The following EBF2 variants were observed in gnomAD, a reference collection of about 807,000 sequenced individuals.
EBF2 encodes transcription factor COE2.
EBF2 carries 21 observed loss-of-function variants against 72.8 expected under a neutral mutation model. That is an observed-to-expected ratio of 0.29 (90% CI 0.20 to 0.42). The LOEUF is 0.42. Among genes scored for constraint, EBF2 ranks in the 10% least tolerant of loss-of-function variants. The pLI, the probability that EBF2 is intolerant of heterozygous loss-of-function variation, is 1.00. For missense variants in EBF2, 637 were observed against 731.2 expected (o/e 0.87, Z 1.49); for synonymous variants, 299 against 274.2 (o/e 1.09, Z -0.89).
intron 6 of EBF2, among the ~76,000 whole-genome samples, chr8:25,958,474 CT>C (rs1285548188): frequency 6.6e-6 from 1 of 151,898 alleles, no homozygotes; most frequent in African/African-American, 2.4e-5. Flanking sequence ...CCTTCTCTCT[CT>C]TTTTTTGGCC....
At chr8:25,990,837 C>T (rs752835336) in intron 6 of EBF2, among the ~76,000 whole-genome samples, 1 of 152,218 alleles carries the variant, frequency 6.6e-6, no homozygotes, top group Non-Finnish European at 1.5e-5. Flanking sequence ...TCTTCCCAGG[C>T]AGAACGGAAA....
chr8:25,863,913 C>G (rs181819444), intron 10 of EBF2, among the ~76,000 whole-genome samples: 224 of 152,216 alleles, frequency 1.5e-3, no homozygotes, highest in Non-Finnish European at 2.7e-3. Context: ...ACTTTTCATC[C>G]ACTTAACAAT....
At chr8:25,936,582 C>T (rs950188588) in intron 6 of EBF2, among the ~76,000 whole-genome samples, 1 of 152,190 alleles carries the variant, frequency 6.6e-6, no homozygotes, top group African/African-American at 2.4e-5. Flanking sequence ...GAGTATTAGT[C>T]TGTACCATAA....
At chr8:25,861,020 T>C in intron 13 of EBF2, 29 bp downstream of exon 13, 1 of 1,613,852 alleles carries the variant, frequency 6.2e-7, no homozygotes, top group Non-Finnish European at 8.5e-7. Flanking sequence ...TTAGACATAT[T>C]TGGATTTTGA....
intron 14 of EBF2, among the ~76,000 whole-genome samples, chr8:25,851,535 C>A (rs1231277152): frequency 6.6e-6 from 1 of 152,084 alleles, no homozygotes; most frequent in African/African-American, 2.4e-5. Flanking sequence ...GATACTCCAC[C>A]AAGTTATATC....
chr8:25,849,953 C>A (rs974087166), intron 15 of EBF2, among the ~76,000 whole-genome samples: 3 of 152,088 alleles, frequency 2.0e-5, no homozygotes, highest in South Asian at 2.1e-4. Flanking sequence ...CATGTGGTAT[C>A]CCCTGGGGTG....
chr8:25,849,174 G>A (rs544039881), intron 15 of EBF2, among the ~76,000 whole-genome samples: 109 of 152,282 alleles, frequency 7.2e-4, no homozygotes, highest in Non-Finnish European at 1.0e-3. Context: ...TATAGACCCC[G>A]CTGCTTTCTC....
chr8:25,857,931 A>G (rs1272306127), intron 14 of EBF2: 2 of 358,744 alleles, frequency 5.6e-6, no homozygotes. Flanking sequence ...TTCCTTGTCT[A>G]TAACATGAAG....
chr8:25,921,340 C>G (rs573649373), intron 6 of EBF2, among the ~76,000 whole-genome samples: 4 of 151,996 alleles, frequency 2.6e-5, no homozygotes, highest in Non-Finnish European at 4.4e-5. Flanking sequence ...TAAAGAAGAA[C>G]TAAACCTAGA....
Position 25,858,459 on chromosome 8 carries a change from G to A in EBF2, c.1388C>T (p.Ser463Phe), listed in dbSNP as rs1306542768. ...TSSISPRGYS[S>F]SSTPQQSNYS... ...ATTAGACTGTTGAGGCGTGGAGCTG[G>A]AAGAGTATCCCCGCGGAGAGATGCT... The change falls in exon 14 of 16, where the codon TCC becomes TTC. Residue 463 changes from serine (S) to phenylalanine (F), a missense_variant. This residue lies in a region of EBF2 where 259 missense variants were observed against 268.1 expected (regional missense o/e 0.97). Coordinates refer to ENST00000520164, the MANE Select transcript of EBF2 (RefSeq NM_022659.4). 6.2e-7 allele frequency: 1 copy of A among 1,614,034 alleles called. No individual in the cohort carries two copies. Among genetic ancestry groups the A allele is most frequent in the Non-Finnish European group, 8.5e-7 (1 of 1,179,998 alleles).
At chr8:25,875,657 C>T (rs543708137) in intron 10 of EBF2, among the ~76,000 whole-genome samples, 32 of 152,170 alleles carry the variant, frequency 2.1e-4, no homozygotes, top group Non-Finnish European at 4.0e-4. Context: ...AAAGTTCCAC[C>T]TAAGAGCAAG....
intron 6 of EBF2, among the ~76,000 whole-genome samples, chr8:25,953,967 G>A (rs906885428): frequency 6.6e-6 from 1 of 152,130 alleles, no homozygotes; most frequent in Non-Finnish European, 1.5e-5. Flanking sequence ...ACCTGTTAAA[G>A]GTTGGGCTTT....
At chr8:26,033,492 A>T (rs1053729613) in intron 5 of EBF2, among the ~76,000 whole-genome samples, 6 of 152,212 alleles carry the variant, frequency 3.9e-5, no homozygotes, top group African/African-American at 9.7e-5. Context: ...GGCCTCCCAA[A>T]GTGCTGGGAT....
chr8:26,039,991 G>C (rs370127481), intron 5 of EBF2, 37 bp downstream of exon 5: 72 of 1,606,280 alleles, frequency 4.5e-5, no homozygotes, highest in Non-Finnish European at 6.0e-5. Context: ...AGCACCTGCG[G>C]GCTCTCCAGG....
At chr8:25,953,178 C>A (rs1168287828) in intron 6 of EBF2, among the ~76,000 whole-genome samples, 1 of 152,210 alleles carries the variant, frequency 6.6e-6, no homozygotes, top group Non-Finnish European at 1.5e-5. Context: ...TGTGGCATTT[C>A]TTGACCATGG....
At chr8:25,972,659 A>G (rs1454888668) in intron 6 of EBF2, among the ~76,000 whole-genome samples, 2 of 152,154 alleles carry the variant, frequency 1.3e-5, no homozygotes, top group Non-Finnish European at 2.9e-5. Context: ...TGATTTGCTG[A>G]GGGTCACACA....
chr8:25,921,696 C>T (rs1453860516), intron 6 of EBF2, among the ~76,000 whole-genome samples: 1 of 152,204 alleles, frequency 6.6e-6, no homozygotes, highest in African/African-American at 2.4e-5. Context: ...CTCTGTAACC[C>T]CATTGCATTT....
chr8:26,039,964 C>G (rs1362830544), intron 5 of EBF2, 64 bp downstream of exon 5: 1 of 1,571,762 alleles, frequency 6.4e-7, no homozygotes, highest in Non-Finnish European at 8.7e-7. Flanking sequence ...GAACGCGGCG[C>G]GCCAAGGCGG....
intron 6 of EBF2, among the ~76,000 whole-genome samples, chr8:26,005,900 A>G (rs1352209430): frequency 6.6e-6 from 1 of 151,870 alleles, no homozygotes; most frequent in Admixed American, 6.6e-5. Flanking sequence ...TCAAAGCACA[A>G]ATCCTTCCCA....
Sources: gnomAD v4.1 joint callset for allele counts (sites outside exome capture counted in the v4.1 genomes callset) on GRCh38, gnomAD v4.1.1 for gene constraint, gnomAD v4.1.1 regional missense constraint, MANE v1.5 for transcripts, NCBI Gene and HGNC (gene_info 2026-07-23, HGNC 2026-07-21) for gene names.